RBFOX1: variants seen among roughly 807,000 people sequenced by gnomAD.
RBFOX1 encodes RNA binding fox-1 homolog 1.
In RBFOX1, 8 loss-of-function variants were observed where a neutral mutation model predicts 57.7. The ratio of observed to expected loss-of-function variants is 0.14; its 90% confidence interval spans 0.08 to 0.25. The LOEUF is 0.25. Among genes scored for constraint, RBFOX1 ranks in the 10% least tolerant of loss-of-function variants. RBFOX1 has a pLI of 1.00. For synonymous variants in RBFOX1, 326 were observed against 222.4 expected, an observed-to-expected ratio of 1.47 and a Z score of -4.15; for missense variants, 611 against 548.5, an observed-to-expected ratio of 1.11 and a Z score of -1.14.
chr16:6,481,753 T>C (rs529348670), intron 2 of RBFOX1, among the ~76,000 whole-genome samples: 1 of 152,296 alleles, frequency 6.6e-6, no homozygotes, highest in South Asian at 2.1e-4. Flanking sequence ...ATGGCATCAT[T>C]ATTGTGAAAT....
rs542526844 is a variant in RBFOX1 at position 5,316,803 on chromosome 16, G to A, written c.219+76698G>A. Among the ~76,000 whole-genome samples the A allele has an allele frequency of 2.0e-3, 303 of 152,302 alleles. 1 individual carries two copies. Among genetic ancestry groups the A allele is most frequent in the African/African-American group, 6.7e-3 (278 of 41,562 alleles). On this transcript the variant is annotated intron_variant, in intron 1 of 2. Coordinates refer to the RBFOX1 transcript ENST00000585867. ...GGCATTCACTTAGGATAATTGGGCCGCCGCAGGTGCATCTCTGAGGGTGTT... is the reference window on the plus strand; with the variant it reads ...GGCATTCACTTAGGATAATTGGGCCACCGCAGGTGCATCTCTGAGGGTGTT...
intron 2 of RBFOX1, among the ~76,000 whole-genome samples, chr16:6,487,994 C>T (rs980162698): frequency 1.3e-5 from 2 of 151,942 alleles, no homozygotes; most frequent in Non-Finnish European, 2.9e-5. Flanking sequence ...AAAGAGTGTA[C>T]ACAGACACAG....
intron 2 of RBFOX1, among the ~76,000 whole-genome samples, chr16:5,470,400 G>A (rs190435345): frequency 6.6e-6 from 1 of 152,196 alleles, no homozygotes; most frequent in African/African-American, 2.4e-5. Flanking sequence ...ACGTTGGGAA[G>A]TCTGTGCAGT....
chr16:6,810,113 C>G lies in RBFOX1; in HGVS notation c.-16+155463C>G, dbSNP rs190279041. Reference sequence around the variant, plus strand: ...GAAACTGGTATCTATCTTTTCTTGTCAACATTTACCAACAAATATGCCTCT... The same window carrying G: ...GAAACTGGTATCTATCTTTTCTTGTGAACATTTACCAACAAATATGCCTCT... On this transcript the variant is annotated intron_variant, in intron 3 of 15. Transcript: ENST00000550418. Among the ~76,000 whole-genome samples, 54 of 150,798 alleles carry G rather than the reference C, an allele frequency of 3.6e-4. 1 individual carries two copies. In the South Asian group the frequency reaches 9.9e-3, roughly 28 times the overall value.
At chr16:5,560,580 A>G (rs1196445685) in intron 2 of RBFOX1, among the ~76,000 whole-genome samples, 1 of 152,208 alleles carries the variant, frequency 6.6e-6, no homozygotes, top group Non-Finnish European at 1.5e-5. Flanking sequence ...ACAAGGTCAA[A>G]TGTGGTGCCT....
intron 4 of RBFOX1, among the ~76,000 whole-genome samples, chr16:7,159,884 T>C (rs1197286446): frequency 6.6e-6 from 1 of 152,220 alleles, no homozygotes; most frequent in Admixed American, 6.5e-5. Flanking sequence ...TGATCATATA[T>C]ACTAATTATT....
chr16:5,519,291 G>C (rs933788029), intron 2 of RBFOX1, among the ~76,000 whole-genome samples: 9 of 152,208 alleles, frequency 5.9e-5, no homozygotes, highest in African/African-American at 2.2e-4. Flanking sequence ...TGCTAGCATG[G>C]TTGTTTTTCA....
At chr16:6,529,374 C>G (rs1027988111) in intron 2 of RBFOX1, among the ~76,000 whole-genome samples, 2 of 152,006 alleles carry the variant, frequency 1.3e-5, no homozygotes, top group Non-Finnish European at 2.9e-5. Context: ...GCCTGACCAA[C>G]TTGGTGATAC....
chr16:5,744,976 G>A (rs1293537600), intron 3 of RBFOX1, among the ~76,000 whole-genome samples: 1 of 152,026 alleles, frequency 6.6e-6, no homozygotes, highest in Non-Finnish European at 1.5e-5. Flanking sequence ...TTAGTTCTAG[G>A]CTACATGTGC....
At chr16:7,158,321 G>C (rs997532528) in intron 4 of RBFOX1, among the ~76,000 whole-genome samples, 1 of 152,048 alleles carries the variant, frequency 6.6e-6, no homozygotes, top group Non-Finnish European at 1.5e-5. Flanking sequence ...ACTCTACCCT[G>C]GTCAACAAGA....
intron 3 of RBFOX1, among the ~76,000 whole-genome samples, chr16:5,644,633 C>A (rs1596564509): frequency 6.6e-6 from 1 of 152,210 alleles, no homozygotes; most frequent in African/African-American, 2.4e-5. Context: ...TGCTGATTCA[C>A]AATTTTTTCC....
intron 1 of RBFOX1, among the ~76,000 whole-genome samples, chr16:6,225,061 A>T (rs1428224411): frequency 6.8e-6 from 1 of 146,944 alleles, no homozygotes; most frequent in Non-Finnish European, 1.5e-5. Flanking sequence ...CACTCCAGGA[A>T]TTTGGGGCTG....
At chr16:6,321,928 T>G (rs1157204034) in intron 2 of RBFOX1, among the ~76,000 whole-genome samples, 2 of 152,202 alleles carry the variant, frequency 1.3e-5, no homozygotes, top group Admixed American at 6.5e-5. Flanking sequence ...CAGATTGCTA[T>G]ACATCTTCAC....
chr16:6,443,959 T>A (rs2094437465), intron 2 of RBFOX1, among the ~76,000 whole-genome samples: 1 of 152,140 alleles, frequency 6.6e-6, no homozygotes, highest in African/African-American at 2.4e-5. Flanking sequence ...TGAACAGTGT[T>A]AGTACTCAGG....
chr16:5,432,854 C>T (rs936142084), intron 1 of RBFOX1, among the ~76,000 whole-genome samples: 2 of 151,972 alleles, frequency 1.3e-5, no homozygotes, highest in African/African-American at 2.4e-5. Context: ...GGCGCAATCT[C>T]GGTTCACTGC....
chr16:6,831,683 T>A (rs2092717940), intron 3 of RBFOX1, among the ~76,000 whole-genome samples: 1 of 152,090 alleles, frequency 6.6e-6, no homozygotes, highest in Non-Finnish European at 1.5e-5. Context: ...TTGCAACCAG[T>A]TCTATTATTT....
chr16:6,680,453 C>G (rs975057103), intron 3 of RBFOX1, among the ~76,000 whole-genome samples: 1 of 151,666 alleles, frequency 6.6e-6, no homozygotes, highest in Non-Finnish European at 1.5e-5. Context: ...TTAGTAGAGA[C>G]GAGGTTTCAC....
chr16:5,970,641 C>G (rs757542031), intron 4 of RBFOX1, among the ~76,000 whole-genome samples: 1 of 152,166 alleles, frequency 6.6e-6, no homozygotes, highest in Admixed American at 6.5e-5. Context: ...TAGCACCTGC[C>G]AGACTGTCAT....
At chr16:7,362,565 T>G (rs1017006436) in intron 4 of RBFOX1, among the ~76,000 whole-genome samples, 2 of 151,500 alleles carry the variant, frequency 1.3e-5, no homozygotes, top group African/African-American at 4.9e-5. Context: ...GATGTTTTGT[T>G]TGCATGTTAG....
Sources: allele counts gnomAD v4.1 joint callset (sites outside exome capture counted in the v4.1 genomes callset), GRCh38; gene constraint gnomAD v4.1.1; transcripts MANE v1.5; gene names NCBI Gene and HGNC (gene_info 2026-07-23, HGNC 2026-07-21).